The following CYP2C18 variants were observed in gnomAD, a reference collection of about 807,000 sequenced individuals.
The protein encoded by CYP2C18 is cytochrome P450 2C18.
CYP2C18 carries 38 observed loss-of-function variants against 41.3 expected under a neutral mutation model. That is an observed-to-expected ratio of 0.92 (90% confidence interval 0.71 to 1.21). The LOEUF (loss-of-function observed/expected upper bound fraction) is 1.21. CYP2C18 is among the 50% of genes most tolerant of loss of function. CYP2C18 has a pLI of 0.00. For missense variants in CYP2C18, 635 were observed against 591.4 expected, an observed-to-expected ratio of 1.07 and a Z score of -0.77; for synonymous variants, 236 against 210.0, an observed-to-expected ratio of 1.12 and a Z score of -1.07.
At chr10:94,707,020 C>A in intron 5 of CYP2C18, 60 bp downstream of exon 5, 1 of 1,459,748 alleles carries the variant, frequency 6.9e-7, no homozygotes, top group Non-Finnish European at 9.4e-7. Context: ...ATAACGATTG[C>A]TTAAATAGTG....
At chr10:94,690,363 T>C (rs1846974008) in intron 3 of CYP2C18, among the ~76,000 whole-genome samples, 1 of 152,190 alleles carries the variant, frequency 6.6e-6, no homozygotes, top group Non-Finnish European at 1.5e-5. Context: ...TCAAATCTAA[T>C]ATTGAAATGT....
chr10:94,716,128 A>G (rs1237392054), intron 5 of CYP2C18, among the ~76,000 whole-genome samples: 4 of 152,096 alleles, frequency 2.6e-5, no homozygotes, highest in African/African-American at 9.7e-5. Flanking sequence ...TCTTTTCAAA[A>G]AACCAGCTCC....
At chr10:94,700,149 A>T (rs556026788) in intron 4 of CYP2C18, among the ~76,000 whole-genome samples, 4 of 152,330 alleles carry the variant, frequency 2.6e-5, no homozygotes, top group East Asian at 3.9e-4. Context: ...TATGGAACCA[A>T]AAAAGAGCCC....
intron 4 of CYP2C18, among the ~76,000 whole-genome samples, chr10:94,704,972 C>G (rs985816872): frequency 6.6e-6 from 1 of 152,054 alleles, no homozygotes; most frequent in African/African-American, 2.4e-5. Flanking sequence ...CGTGTTAGCC[C>G]GTGTTAGTCC....
At chr10:94,692,130 T>C (rs188587866) in intron 3 of CYP2C18, among the ~76,000 whole-genome samples, 211 of 152,222 alleles carry the variant, frequency 1.4e-3, no homozygotes, top group Non-Finnish European at 2.4e-3. Context: ...ACTTCATGTC[T>C]AAAACACCAA....
rs1847909018 is a variant in CYP2C18 at position 94,735,697 on chromosome 10, T to A, written c.*253T>A. On this transcript the variant is annotated 3_prime_UTR_variant, in exon 9 of 9. Transcript: ENST00000285979. ...ACCACCACATATGCTAATACCTATC[T>A]ACTGCTGAGTTGTCAGTATGTTATC... 2.1e-6 allele frequency: 1 copy of A among 468,430 alleles called. No homozygotes were observed. Among genetic ancestry groups the A allele is most frequent in the South Asian group, 4.1e-5 (1 of 24,348 alleles). The allele number at this position is 468,430 out of a possible 1,614,324, so 29.0% of individuals were successfully genotyped here. A position where few individuals can be genotyped will look rare whatever the true frequency, so the allele number is the denominator to read the frequency against.
Position 94,700,939 on chromosome 10 carries a change from G to A in CYP2C18, c.643-5845G>A, listed in dbSNP as rs11188058. Reference sequence around the variant, plus strand: ...ATGAGATACCATCTCACACCAATTAGAATGGTGATCATTAAAAAGTCAGGA... The same window carrying A: ...ATGAGATACCATCTCACACCAATTAAAATGGTGATCATTAAAAAGTCAGGA... On this transcript the variant is annotated intron_variant, in intron 4 of 8. Transcript: ENST00000285979. Among the ~76,000 whole-genome samples the A allele has an allele frequency of 3.7e-3, 570 of 152,288 alleles. 33 individuals are homozygous for A. The East Asian group carries it at 0.099, about 27-fold the overall frequency.
chr10:94,697,543 C>A (rs1163923342), intron 4 of CYP2C18, among the ~76,000 whole-genome samples: 1 of 152,158 alleles, frequency 6.6e-6, no homozygotes, highest in Non-Finnish European at 1.5e-5. Context: ...ATTGTAAAGA[C>A]CATCGAGGCT....
At chr10:94,705,684 A>G (rs1847330114) in intron 4 of CYP2C18, among the ~76,000 whole-genome samples, 1 of 152,106 alleles carries the variant, frequency 6.6e-6, no homozygotes, top group South Asian at 2.1e-4. Context: ...AGATGGGCCC[A>G]TGGAACTGTC....
At chr10:94,694,207 A>G (rs1176431403) in intron 3 of CYP2C18, among the ~76,000 whole-genome samples, 3 of 152,122 alleles carry the variant, frequency 2.0e-5, no homozygotes, top group Non-Finnish European at 2.9e-5. Flanking sequence ...TTCTTTGAAT[A>G]TTGAAATAAG....
At chr10:94,697,918 C>T (rs1475535255) in intron 4 of CYP2C18, among the ~76,000 whole-genome samples, 4 of 152,206 alleles carry the variant, frequency 2.6e-5, no homozygotes, top group Non-Finnish European at 4.4e-5. Flanking sequence ...ATCAATTCAA[C>T]AAGAAGAGCT....
intron 5 of CYP2C18, among the ~76,000 whole-genome samples, chr10:94,718,282 G>T (rs1359732837): frequency 6.6e-6 from 1 of 151,822 alleles, no homozygotes; most frequent in Non-Finnish European, 1.5e-5. Flanking sequence ...ATTAATTTTT[G>T]TGTGTTGATT....
chr10:94,728,772 T>C (rs1172241832), intron 7 of CYP2C18: 3 of 173,768 alleles, frequency 1.7e-5, no homozygotes, highest in Non-Finnish European at 3.4e-5. Context: ...TTATTGGAGA[T>C]AGAACCACCA....
intron 5 of CYP2C18, among the ~76,000 whole-genome samples, chr10:94,715,314 G>C (rs749004870): frequency 6.6e-6 from 1 of 152,138 alleles, no homozygotes; most frequent in Non-Finnish European, 1.5e-5. Context: ...TTGGCTTTGG[G>C]TTTGTCATAA....
intron 1 of CYP2C18, among the ~76,000 whole-genome samples, chr10:94,686,172 T>C (rs1329252856): frequency 1.3e-5 from 2 of 152,194 alleles, no homozygotes; most frequent in South Asian, 4.1e-4. Flanking sequence ...ATTGTTCTCT[T>C]AATTTCTTTT....
intron 4 of CYP2C18, among the ~76,000 whole-genome samples, chr10:94,697,645 G>A (rs1229245109): frequency 2.0e-5 from 3 of 152,174 alleles, no homozygotes; most frequent in Admixed American, 2.0e-4. Context: ...AACCTTAAAT[G>A]TAAATGGGTT....
intron 1 of CYP2C18, among the ~76,000 whole-genome samples, chr10:94,685,547 C>T (rs1031816886): frequency 2.0e-5 from 3 of 152,048 alleles, no homozygotes; most frequent in African/African-American, 7.2e-5. Flanking sequence ...ATGCTTAAGG[C>T]TTTAATTCAT....
chr10:94,705,967 G>T (rs367905437), intron 4 of CYP2C18, among the ~76,000 whole-genome samples: 1 of 152,142 alleles, frequency 6.6e-6, no homozygotes, highest in African/African-American at 2.4e-5. Context: ...TTGTTGAAAA[G>T]CTGGCATTAC....
intron 7 of CYP2C18, among the ~76,000 whole-genome samples, chr10:94,727,632 A>G (rs1369753450): frequency 6.6e-6 from 1 of 151,988 alleles, no homozygotes. Context: ...ACAAAAAAAA[A>G]AGAGGAAAGA....
Sources: allele counts gnomAD v4.1 joint callset (sites outside exome capture counted in the v4.1 genomes callset), GRCh38; gene constraint gnomAD v4.1.1; transcripts MANE v1.5; gene names NCBI Gene and HGNC (gene_info 2026-07-23, HGNC 2026-07-21).